The following BRDT variants were observed in gnomAD, a reference collection of about 807,000 sequenced individuals.
BRDT encodes bromodomain testis-specific protein.
BRDT carries 77 observed loss-of-function variants against 113.9 expected under a neutral mutation model. The ratio of observed to expected loss-of-function variants is 0.68; its 90% confidence interval spans 0.56 to 0.82. The LOEUF (loss-of-function observed/expected upper bound fraction) is 0.82, where lower values mean the gene tolerates loss of function less well. Ranked by LOEUF, BRDT falls within the 40% of genes least tolerant of loss-of-function variation. The pLI, the probability that BRDT is intolerant of heterozygous loss-of-function variation, is 0.00. For synonymous variants in BRDT, 358 were observed against 366.5 expected, an observed-to-expected ratio of 0.98 and a Z score of 0.26; for missense variants, 1,027 against 1,105.4, an observed-to-expected ratio of 0.93 and a Z score of 1.01.
At chr1:91,997,070 A>T (rs1447195574) in intron 15 of BRDT, among the ~76,000 whole-genome samples, 2 of 152,190 alleles carry the variant, frequency 1.3e-5, no homozygotes, top group Non-Finnish European at 1.5e-5. Flanking sequence ...GAGGTAATCA[A>T]TGGTAGAGAA....
chr1:91,963,648 A>G (rs1682743071), intron 2 of BRDT, among the ~76,000 whole-genome samples: 1 of 152,164 alleles, frequency 6.6e-6, no homozygotes, highest in Admixed American at 6.6e-5. Flanking sequence ...AGTAGTTTAC[A>G]ATATAGCTAG....
chr1:91,990,727 G>T (rs1417509479), intron 12 of BRDT, among the ~76,000 whole-genome samples: 1 of 152,152 alleles, frequency 6.6e-6, no homozygotes, highest in African/African-American at 2.4e-5. Flanking sequence ...GATTCAAGGA[G>T]GGTGAAAACC....
chr1:91,983,949 C>T (rs1473057129), intron 12 of BRDT, among the ~76,000 whole-genome samples: 2 of 152,130 alleles, frequency 1.3e-5, no homozygotes, highest in Non-Finnish European at 2.9e-5. Flanking sequence ...CCCAAAGTGG[C>T]GTGAGCCACT....
intron 3 of BRDT, among the ~76,000 whole-genome samples, chr1:91,965,261 A>C (rs879940837): frequency 6.6e-6 from 1 of 152,124 alleles, no homozygotes; most frequent in Non-Finnish European, 1.5e-5. Flanking sequence ...ACTGAATTTC[A>C]TAATTTTCAC....
intron 1 of BRDT, among the ~76,000 whole-genome samples, chr1:91,961,793 CTT>C (rs1471587733): frequency 2.6e-5 from 4 of 152,210 alleles, no homozygotes; most frequent in East Asian, 1.9e-4. Flanking sequence ...AATTTATAGA[CTT>C]TTCCTGCTAA....
intron 1 of BRDT, among the ~76,000 whole-genome samples, chr1:91,959,419 C>CTTTTTTTTT (rs11346071): frequency 2.5e-4 from 28 of 112,798 alleles, no homozygotes; most frequent in South Asian, 5.5e-4. Context: ...CTTTTTCTTT[C>CTTTTTTTTT]TTTTTTTTTT....
Position 92,005,252 on chromosome 1 carries a change from C to A in BRDT, c.2728C>A (p.Arg910Ser). ...DKSKLWLLKD[R>S]DLARQKEQER... Reference sequence around the variant, plus strand: ...ATCCAAACTCTGGCTTCTCAAAGACCGTGATTTAGCAAGGCAGAAAGAACA... The same window carrying A: ...ATCCAAACTCTGGCTTCTCAAAGACAGTGATTTAGCAAGGCAGAAAGAACA... Residue 910 changes from arginine (R) to serine (S), a missense_variant, in exon 18 of 19, where the codon CGT (arginine) becomes AGT (serine). Transcript: ENST00000399546. 2 of 1,581,800 alleles carry A rather than the reference C, an allele frequency of 1.3e-6. No individual in the cohort carries two copies. The highest frequency in any genetic ancestry group is 1.7e-4 in the Middle Eastern group (1 of 5,976).
rs1432274216 is a variant in BRDT at position 92,004,553 on chromosome 1, A to G, written c.2528A>G (p.Gln843Arg). 2 of 1,613,230 alleles carry G rather than the reference A, an allele frequency of 1.2e-6. No homozygotes were observed. The highest frequency in any genetic ancestry group is 1.7e-6 in the Non-Finnish European group (2 of 1,179,720). The change falls in exon 17 of 19, where the codon CAG becomes CGG. Residue 843 changes from glutamine to arginine, a missense_variant. Transcript: ENST00000399546. ...AIEKEVKART[Q>R]ELIRKHLEQN... ...GAAAAGGAAGTAAAAGCTCGGACAC[A>G]GGAACTCATACGGAAGCATTTGGAA... is the stretch of plus-strand genomic sequence containing the variant.
chr1:91,970,910 C>CA (rs56365341), intron 4 of BRDT, among the ~76,000 whole-genome samples: 3,714 of 113,840 alleles, frequency 0.033, 179 homozygotes, highest in African/African-American at 0.11. Context: ...GACCCTTTCT[C>CA]AAAAAAAAAA....
intron 1 of BRDT, among the ~76,000 whole-genome samples, chr1:91,956,657 C>T: frequency 6.6e-6 from 1 of 152,184 alleles, no homozygotes; most frequent in Middle Eastern, 3.2e-3. Context: ...CTTGATTAGG[C>T]TGGCATGGTG....
chr1:91,965,894 C>T (rs1372037206), intron 3 of BRDT, among the ~76,000 whole-genome samples: 1 of 151,978 alleles, frequency 6.6e-6, no homozygotes, highest in Non-Finnish European at 1.5e-5. Flanking sequence ...TTTGATTCTC[C>T]CTTTTGCCTT....
chr1:91,993,893 G>A (rs1223902530), intron 14 of BRDT, among the ~76,000 whole-genome samples, 190 bp from the exon 15 acceptor site: 1 of 152,058 alleles, frequency 6.6e-6, no homozygotes, highest in Non-Finnish European at 1.5e-5. Context: ...GTTATTTAAT[G>A]CTTTTAAACC....
At chr1:91,990,239 A>G (rs2101730643) in intron 12 of BRDT, among the ~76,000 whole-genome samples, 1 of 152,322 alleles carries the variant, frequency 6.6e-6, no homozygotes, top group African/African-American at 2.4e-5. Context: ...CAGTATTTCT[A>G]AAGGCAGAGG....
chr1:91,983,008 CT>C (rs1460768502), intron 12 of BRDT, among the ~76,000 whole-genome samples: 6 of 152,082 alleles, frequency 3.9e-5, no homozygotes, highest in African/African-American at 1.4e-4. Context: ...GGATAAAAGT[CT>C]TACTGTTCCT....
chr1:91,964,627 G>T lies in BRDT; in HGVS notation c.193G>T (p.Asp65Tyr). ...PVDAVKLQLPDYYTIIKNPMD... is the reference protein window; with the variant it reads ...PVDAVKLQLPYYYTIIKNPMD... The stretch of plus-strand genomic sequence containing the variant: ...ATTTAGAATTTGTTCAAAACCATAG[G>T]ATTATTATACCATTATAAAAAACCC... The change falls in exon 3 of 19, where the codon GAT becomes TAT. Residue 65 changes from aspartate (D) to tyrosine (Y), a missense_variant and splice_region_variant. Physicochemically the swap from Asp to Tyr is radical, Grantham distance 160. Coordinates refer to ENST00000399546, the MANE Select transcript of BRDT (RefSeq NM_207189.4). The T allele has an allele frequency of 7.2e-7, 1 of 1,380,332 alleles. No homozygotes were observed. Among genetic ancestry groups the T allele is most frequent in the Non-Finnish European group, 9.9e-7 (1 of 1,010,326 alleles). The allele number at this position is 1,380,332 out of a possible 1,614,324, so 85.5% of individuals were successfully genotyped here. A position where few individuals can be genotyped will look rare whatever the true frequency, so the allele number is the denominator to read the frequency against.
At position 91,979,601 on chromosome 1, in the gene BRDT, G is replaced by C; in HGVS notation, c.1131G>C (p.Pro377=). Residue 377 remains proline (P), a synonymous_variant, in exon 8 of 19, where the codon CCG becomes CCC. Transcript: ENST00000399546. ...TCGAAACGCATTTTTCAAAGATCCC[G>C]ATTGAACCTGTTGAGAGTATGCCTT... ...DVFETHFSKI[P]IEPVESMPLC... The C allele has an allele frequency of 6.2e-7, 1 of 1,610,472 alleles. No homozygotes were observed. The highest frequency in any genetic ancestry group is 8.5e-7 in the Non-Finnish European group (1 of 1,179,234).
intron 4 of BRDT, among the ~76,000 whole-genome samples, chr1:91,976,003 C>T (rs1037036856): frequency 7.9e-5 from 12 of 152,106 alleles, no homozygotes; most frequent in African/African-American, 2.9e-4. Context: ...CCACACAGCT[C>T]GATTATTAGT....
chr1:91,966,098 G>T (rs1683041704), intron 3 of BRDT, among the ~76,000 whole-genome samples: 1 of 152,046 alleles, frequency 6.6e-6, no homozygotes. Flanking sequence ...TGTATGTGGA[G>T]ATTTTAAACT....
At chr1:91,951,721 C>CCGAGA (rs1557790603) in intron 1 of BRDT, among the ~76,000 whole-genome samples, 2 of 152,004 alleles carry the variant, frequency 1.3e-5, no homozygotes, top group South Asian at 4.2e-4. Flanking sequence ...TTGCAGTGAG[C>CCGAGA]TGAGATCACA....
Sources: allele counts gnomAD v4.1 joint callset (sites outside exome capture counted in the v4.1 genomes callset), GRCh38; gene constraint gnomAD v4.1.1; transcripts MANE v1.5; gene names NCBI Gene and HGNC (gene_info 2026-07-23, HGNC 2026-07-21).